Variants in RHOU observed in about 807,000 individuals in gnomAD.
The protein encoded by RHOU is rho-related GTP-binding protein RhoU.
Under a neutral mutation model 12.6 loss-of-function variants are expected in RHOU, and 8 were observed. That is an observed-to-expected ratio of 0.64 (90% CI 0.37 to 1.15). RHOU has a LOEUF of 1.15. Ranked by LOEUF, RHOU falls within the 50% of genes most tolerant of loss-of-function variation. RHOU has a pLI of 0.01. For synonymous variants in RHOU, 161 were observed against 147.4 expected (o/e 1.09, Z -0.67); for missense variants, 258 against 347.0 (o/e 0.74, Z 2.04).
the RHOU span, among the ~76,000 whole-genome samples, chr1:228,703,124 C>T: frequency 6.6e-6 from 1 of 152,164 alleles, no homozygotes. Flanking sequence ...AAAGGCAAGA[C>T]AATGTATGTA....
At chr1:228,690,846 G>C in the RHOU span, among the ~76,000 whole-genome samples, 3 of 151,604 alleles carry the variant, frequency 2.0e-5, no homozygotes, top group Admixed American at 2.0e-4. Flanking sequence ...TCGAACTCTT[G>C]ACCTCATGAT....
At chr1:228,726,631 A>G in the RHOU span, among the ~76,000 whole-genome samples, 1 of 150,982 alleles carries the variant, frequency 6.6e-6, no homozygotes, top group Non-Finnish European at 1.5e-5. Flanking sequence ...TGCCACTGCA[A>G]TCCAGCCTGG....
the RHOU span, among the ~76,000 whole-genome samples, chr1:228,680,561 T>C: frequency 2.0e-5 from 3 of 152,180 alleles, no homozygotes; most frequent in African/African-American, 7.2e-5. Flanking sequence ...CTCCTCTCTA[T>C]TATTGTACAC....
chr1:228,680,034 A>G, the RHOU span, among the ~76,000 whole-genome samples: 4 of 152,278 alleles, frequency 2.6e-5, no homozygotes, highest in East Asian at 7.7e-4. Context: ...TTAAGAGGTT[A>G]AGAAGCCTGG....
At chr1:228,694,633 C>A in the RHOU span, among the ~76,000 whole-genome samples, 1 of 152,174 alleles carries the variant, frequency 6.6e-6, no homozygotes, top group Non-Finnish European at 1.5e-5. Context: ...CCATTCACAT[C>A]CCTGCAAAGG....
chr1:228,721,608 G>T, the RHOU span, among the ~76,000 whole-genome samples: 2 of 152,142 alleles, frequency 1.3e-5, no homozygotes, highest in African/African-American at 4.8e-5. Flanking sequence ...CGGACTGTTT[G>T]GTTCAGAGCT....
At chr1:228,729,790 G>A in the RHOU span, among the ~76,000 whole-genome samples, 7 of 152,192 alleles carry the variant, frequency 4.6e-5, no homozygotes, top group East Asian at 1.2e-3. Flanking sequence ...ATTAAGGATT[G>A]ATTTTTACAT....
the RHOU span, among the ~76,000 whole-genome samples, chr1:228,668,609 C>T: frequency 0.018 from 2,806 of 152,328 alleles, 25 homozygotes; most frequent in Non-Finnish European, 0.03. Flanking sequence ...GTAGCAATAA[C>T]ACAGTGCTAA....
At chr1:228,687,527 G>A in the RHOU span, 3 of 1,580,102 alleles carry the variant, frequency 1.9e-6, no homozygotes, top group Non-Finnish European at 1.7e-6. Context: ...TCTTCCTTCA[G>A]GATATCAAGA....
At chr1:228,726,212 T>C in the RHOU span, among the ~76,000 whole-genome samples, 2 of 152,242 alleles carry the variant, frequency 1.3e-5, no homozygotes, top group African/African-American at 4.8e-5. Flanking sequence ...GTGTACTGTG[T>C]ACCTCAGACT....
At chr1:228,707,123 T>TATAC in the RHOU span, among the ~76,000 whole-genome samples, 1 of 81,186 alleles carries the variant, frequency 1.2e-5, no homozygotes, top group Admixed American at 1.3e-4. Flanking sequence ...TATATATATA[T>TATAC]ATACATATAT....
At chr1:228,669,795 T>C in the RHOU span, among the ~76,000 whole-genome samples, 662 of 152,326 alleles carry the variant, frequency 4.3e-3, 7 homozygotes, top group African/African-American at 0.015. Context: ...GCTACTTCAT[T>C]GTGAAGTGCA....
At chr1:228,698,878 A>C in the RHOU span, among the ~76,000 whole-genome samples, 1 of 152,222 alleles carries the variant, frequency 6.6e-6, no homozygotes, top group Non-Finnish European at 1.5e-5. Context: ...ACATGAGTGT[A>C]TACAAGACCC....
chr1:228,694,331 CT>C, the RHOU span, among the ~76,000 whole-genome samples: 1 of 151,966 alleles, frequency 6.6e-6, no homozygotes, highest in East Asian at 1.9e-4. Context: ...TTTTCTTCAA[CT>C]TTTATTTTAA....
At chr1:228,688,260 C>G in the RHOU span, among the ~76,000 whole-genome samples, 63 of 152,238 alleles carry the variant, frequency 4.1e-4, no homozygotes, top group African/African-American at 1.4e-3. Context: ...TGAAGAAGGC[C>G]ATGTTGTTAA....
At chr1:228,650,246 G>A in the RHOU span, 56 of 457,650 alleles carry the variant, frequency 1.2e-4, 1 homozygote, top group South Asian at 4.5e-4. Flanking sequence ...AGTACGTGGC[G>A]CTGGGTCGCT....
At chr1:228,706,834 G>A in the RHOU span, among the ~76,000 whole-genome samples, 5 of 151,918 alleles carry the variant, frequency 3.3e-5, no homozygotes, top group East Asian at 9.7e-4. Flanking sequence ...GTTTGAGTTA[G>A]TTATATCATT....
the RHOU span, among the ~76,000 whole-genome samples, chr1:228,646,424 T>C: frequency 1.2e-3 from 36 of 30,614 alleles, no homozygotes; most frequent in Middle Eastern, 0.016. Flanking sequence ...GGAGGCAGCG[T>C]TTTGGATCCC....
At chr1:228,700,543 T>C in the RHOU span, among the ~76,000 whole-genome samples, 1 of 152,172 alleles carries the variant, frequency 6.6e-6, no homozygotes, top group Non-Finnish European at 1.5e-5. Flanking sequence ...TGTAAAGAGC[T>C]TTTAGAAACT....
Sources: gnomAD v4.1 joint callset for allele counts (sites outside exome capture counted in the v4.1 genomes callset) on GRCh38, gnomAD v4.1.1 for gene constraint, MANE v1.5 for transcripts, NCBI Gene and HGNC (gene_info 2026-07-23, HGNC 2026-07-21) for gene names.